The following PARD3B variants were observed in gnomAD, a reference collection of about 807,000 sequenced individuals.
PARD3B encodes the protein par-3 family cell polarity regulator beta.
Under a neutral mutation model 130.2 loss-of-function variants are expected in PARD3B, and 103 were observed. The observed-to-expected ratio is 0.79, with a 90% CI of 0.67 to 0.93. PARD3B has a LOEUF of 0.93. Among genes scored for constraint, PARD3B ranks in the 40% least tolerant of loss-of-function variants. The pLI, the probability that PARD3B is intolerant of heterozygous loss-of-function variation, is 0.00. For synonymous variants in PARD3B, 583 were observed against 553.2 expected, an observed-to-expected ratio of 1.05 and a Z score of -0.76; for missense variants, 1,609 against 1,499.2, an observed-to-expected ratio of 1.07 and a Z score of -1.21.
At chr2:204,960,972 G>T (rs918574133) in intron 2 of PARD3B, among the ~76,000 whole-genome samples, 1 of 152,192 alleles carries the variant, frequency 6.6e-6, no homozygotes, top group Non-Finnish European at 1.5e-5. Context: ...GTGGAAGACT[G>T]TTTCTGGCAG....
At chr2:204,758,861 C>T (rs73060935) in intron 2 of PARD3B, among the ~76,000 whole-genome samples, 1,784 of 152,246 alleles carry the variant, frequency 0.012, 30 homozygotes, top group African/African-American at 0.04. Context: ...CCCCTTAGAA[C>T]CCTAAAATAG....
intron 2 of PARD3B, among the ~76,000 whole-genome samples, chr2:204,925,943 C>T (rs1165455691): frequency 6.6e-6 from 1 of 152,178 alleles, no homozygotes; most frequent in South Asian, 2.1e-4. Flanking sequence ...TCTTTCCTGC[C>T]TCCATATTCC....
At position 205,121,803 on chromosome 2, in the gene PARD3B, A is replaced by G; in HGVS notation, c.1019A>G (p.Glu340Gly). 6.2e-7 allele frequency: 1 copy of G among 1,614,166 alleles called. No individual in the cohort carries two copies. The highest frequency in any genetic ancestry group is 8.5e-7 in the Non-Finnish European group (1 of 1,180,034). The change falls in exon 8 of 23, where the codon GAA becomes GGA. Residue 340 changes from glutamate (E) to glycine (G), a missense_variant. Coordinates refer to ENST00000406610, the MANE Select transcript of PARD3B (RefSeq NM_001302769.2). The surrounding 1 kb of genome is among the most constrained non-coding windows in gnomAD (Gnocchi z 5.0). ...TANLTGTDSPETDASASLQQN... is the reference protein window; with the variant it reads ...TANLTGTDSPGTDASASLQQN... ...AATCTCACAGGAACCGATAGTCCTG[A>G]AACAGATGCATCAGCTTCCCTGCAA...
chr2:205,369,091 C>A (rs2044717584), intron 18 of PARD3B, among the ~76,000 whole-genome samples: 1 of 152,168 alleles, frequency 6.6e-6, no homozygotes, highest in African/African-American at 2.4e-5. Flanking sequence ...TGAACACTTG[C>A]CCTCTTTTCT....
At chr2:205,477,594 G>A (rs1248113153) in intron 20 of PARD3B, among the ~76,000 whole-genome samples, 2 of 144,698 alleles carry the variant, frequency 1.4e-5, no homozygotes, top group Non-Finnish European at 3.0e-5. Context: ...CCATTGCTCT[G>A]TTAAAAAAAA....
chr2:205,175,205 A>G (rs2035399993), intron 12 of PARD3B, among the ~76,000 whole-genome samples: 1 of 152,150 alleles, frequency 6.6e-6, no homozygotes, highest in Non-Finnish European at 1.5e-5. Context: ...AAGCAGAAAA[A>G]AATTTTTTGT....
At chr2:204,588,367 A>C (rs1305699563) in intron 1 of PARD3B, among the ~76,000 whole-genome samples, 3 of 152,230 alleles carry the variant, frequency 2.0e-5, no homozygotes, top group Admixed American at 6.5e-5. Flanking sequence ...CTGGAGAAGC[A>C]GGTAACCTGC....
At chr2:205,315,857 A>G (rs2042546643) in intron 18 of PARD3B, among the ~76,000 whole-genome samples, 1 of 151,980 alleles carries the variant, frequency 6.6e-6, no homozygotes, top group South Asian at 2.1e-4. Flanking sequence ...GAATTCTTTG[A>G]TTTGCATTTC....
intron 18 of PARD3B, among the ~76,000 whole-genome samples, chr2:205,399,826 G>C (rs2046183360): frequency 6.6e-6 from 1 of 152,128 alleles, no homozygotes; most frequent in African/African-American, 2.4e-5. Flanking sequence ...CCCTTTCTGG[G>C]GAATTGTATT....
At chr2:204,833,749 C>T (rs558912985) in intron 2 of PARD3B, among the ~76,000 whole-genome samples, 6 of 152,228 alleles carry the variant, frequency 3.9e-5, no homozygotes, top group African/African-American at 1.2e-4. Flanking sequence ...ACTGTGAGTC[C>T]ATTAGATCTC....
At position 205,587,352 on chromosome 2, in the gene PARD3B, G is replaced by T. The variant is rs935426156; in HGVS notation, c.3261-28104G>T. Among the ~76,000 whole-genome samples the T allele has an allele frequency of 2.0e-5, 3 of 152,054 alleles. No homozygotes were observed. The South Asian group carries it at 6.2e-4, about 32-fold the overall frequency. ...TACTTAATGGAAAAGGATTCAGAAG[G>T]CCTATTCTTAAAACTCTTAATGACC... On this transcript the variant is annotated intron_variant, in intron 22 of 22. Transcript: ENST00000406610.
intron 3 of PARD3B, among the ~76,000 whole-genome samples, chr2:205,033,872 A>G (rs1044258324): frequency 1.3e-5 from 2 of 152,176 alleles, no homozygotes; most frequent in African/African-American, 4.8e-5. Flanking sequence ...AGATTCCTCT[A>G]TAAGCCACAG....
At chr2:205,467,516 ATATAT>A (rs1351563160) in intron 20 of PARD3B, among the ~76,000 whole-genome samples, 5 of 152,232 alleles carry the variant, frequency 3.3e-5, no homozygotes, top group African/African-American at 1.2e-4. Flanking sequence ...TAATTTTATA[ATATAT>A]TTTATTTAAC....
rs1384380432 is a variant in PARD3B at position 205,617,064 on chromosome 2, A to C, written c.*1251A>C. On this transcript the variant is annotated 3_prime_UTR_variant, in exon 23 of 23. Transcript: ENST00000406610. ...AATCCATCTGCATTTGCTATATTTC[A>C]TTAGCTAAAGTCAGGTCAGGGCAGG... The C allele has an allele frequency of 6.5e-6, 1 of 154,436 alleles. No individual in the cohort carries two copies. The highest frequency in any genetic ancestry group is 6.5e-5 in the Admixed American group (1 of 15,290). The allele number at this position is 154,436 out of a possible 1,614,324, so 9.6% of individuals were successfully genotyped here.
chr2:205,094,584 C>T (rs1418841425), intron 4 of PARD3B, among the ~76,000 whole-genome samples: 1 of 151,988 alleles, frequency 6.6e-6, no homozygotes, highest in Non-Finnish European at 1.5e-5. Flanking sequence ...TTCTTTCTTA[C>T]CCTGTTCATG....
Position 204,676,666 on chromosome 2 carries a change from G to GTT in PARD3B, c.121-9496_121-9495dup, listed in dbSNP as rs59424538. Among the ~76,000 whole-genome samples the GTT allele has an allele frequency of 1.6e-4, 15 of 92,328 alleles. 1 individual carries two copies. The highest frequency in any genetic ancestry group is 3.3e-4 in the East Asian group (1 of 2,998). 60.6% of individuals were successfully genotyped at this position (92,328 alleles called of 152,430 possible). On this transcript the variant is annotated intron_variant, in intron 1 of 22. Transcript: ENST00000406610. ...ATACATCCCATTCTACTCTATGATTGTTTTTTTTTTTTTTTTTTTTGGAGA... is the reference window on the plus strand; with the variant it reads ...ATACATCCCATTCTACTCTATGATTGTTTTTTTTTTTTTTTTTTTTTTGGAGA...
chr2:205,436,454 T>C (rs2047519971), intron 19 of PARD3B, among the ~76,000 whole-genome samples: 1 of 152,220 alleles, frequency 6.6e-6, no homozygotes, highest in Admixed American at 6.5e-5. Context: ...CCTGCATTTG[T>C]CGATTACTTG....
chr2:205,243,981 G>T (rs1012544040), intron 15 of PARD3B, among the ~76,000 whole-genome samples: 2 of 151,586 alleles, frequency 1.3e-5, no homozygotes, highest in Non-Finnish European at 2.9e-5. Context: ...TTGATTCTAT[G>T]TAAGTGCTTT....
intron 2 of PARD3B, among the ~76,000 whole-genome samples, chr2:204,903,504 A>C (rs2046940514): frequency 6.6e-6 from 1 of 152,164 alleles, no homozygotes; most frequent in African/African-American, 2.4e-5. Context: ...TCAAAATCTA[A>C]CCATGTTGTT....
Sources: gnomAD v4.1 joint callset for allele counts (sites outside exome capture counted in the v4.1 genomes callset) on GRCh38, gnomAD v4.1.1 for gene constraint, Gnocchi (gnomAD v3.1) non-coding constraint, MANE v1.5 for transcripts, NCBI Gene and HGNC (gene_info 2026-07-23, HGNC 2026-07-21) for gene names.